ARHGEF37: variants seen among roughly 807,000 people sequenced by gnomAD.
ARHGEF37 encodes Rho guanine nucleotide exchange factor (GEF) 37.
A neutral mutation model predicts 71.1 loss-of-function variants in ARHGEF37; 55 were observed. The ratio of observed to expected loss-of-function variants is 0.77; its 90% CI spans 0.62 to 0.97. The LOEUF is 0.97. Among genes scored for constraint, ARHGEF37 ranks in the 50% least tolerant of loss-of-function variants. The pLI is 0.00. For missense variants in ARHGEF37, 765 were observed against 836.8 expected (o/e 0.91, Z 1.06); for synonymous variants, 327 against 350.6 (o/e 0.93, Z 0.75).
chr5:149,588,041 C>A (rs777486911), intron 1 of ARHGEF37, among the ~76,000 whole-genome samples: 1 of 151,650 alleles, frequency 6.6e-6, no homozygotes, highest in African/African-American at 2.4e-5. Context: ...GGATTACAGG[C>A]GTGTGCCACC....
upstream of ARHGEF37, chr5:149,581,359 G>C (rs1167938955): frequency 6.6e-6 from 1 of 152,276 alleles, no homozygotes; most frequent in East Asian, 1.9e-4. Flanking sequence ...GCCGGCCGGG[G>C]CTGACTCCGG....
chr5:149,586,225 T>G (rs909016746), intron 1 of ARHGEF37, among the ~76,000 whole-genome samples: 1 of 139,654 alleles, frequency 7.2e-6, no homozygotes, highest in African/African-American at 2.9e-5. Context: ...TGTCTGGGTT[T>G]CAAGCAGAGA....
chr5:149,598,045 C>A, intron 2 of ARHGEF37, 90 bp downstream of exon 2: 3 of 1,440,128 alleles, frequency 2.1e-6, no homozygotes, highest in Non-Finnish European at 2.8e-6. Flanking sequence ...CTGGGGCAAG[C>A]TTGACAGAAA....
At chr5:149,572,843 T>TA (rs1231512769) in intron 1 of ARHGEF37, among the ~76,000 whole-genome samples, 1 of 152,192 alleles carries the variant, frequency 6.6e-6, no homozygotes, top group Non-Finnish European at 1.5e-5. Flanking sequence ...CCTGCTGGCC[T>TA]ACACTGCAGA....
At chr5:149,560,402 C>T (rs1762814295) in intron 1 of ARHGEF37, among the ~76,000 whole-genome samples, 1 of 152,190 alleles carries the variant, frequency 6.6e-6, no homozygotes, top group East Asian at 1.9e-4. Context: ...GCGTGAGCCA[C>T]CACACCTGGC....
intron 2 of ARHGEF37, among the ~76,000 whole-genome samples, chr5:149,600,624 T>C (rs2113316204): frequency 6.6e-6 from 1 of 150,684 alleles, no homozygotes; most frequent in East Asian, 2.0e-4. Flanking sequence ...TCTCTTCTTG[T>C]AGAGTAATGA....
At chr5:149,573,315 A>T (rs1024747729) in intron 1 of ARHGEF37, among the ~76,000 whole-genome samples, 5 of 152,214 alleles carry the variant, frequency 3.3e-5, no homozygotes, top group African/African-American at 1.2e-4. Context: ...TATCCAAACC[A>T]TAGCATTCCA....
Position 149,634,550 on chromosome 5 carries a change from G to A in ARHGEF37, c.*2359G>A, listed in dbSNP as rs1359993353. 7 of 152,560 alleles carry A rather than the reference G, an allele frequency of 4.6e-5. No individual in the cohort carries two copies. Among genetic ancestry groups the A allele is most frequent in the Admixed American group, 4.6e-4 (7 of 15,286 alleles). 9.5% of individuals were successfully genotyped at this position (152,560 alleles called of 1,614,324 possible). ...GGGTTATGGTTTCTCATAGACCAGG[G>A]GATAAGATTAAAAGTCACTGAAGAG... On this transcript the variant is annotated 3_prime_UTR_variant, in exon 13 of 13. Transcript: ENST00000333677.
rs1340425169 is a variant in ARHGEF37, at chr5:149,597,884, A to G, written c.115A>G (p.Ile39Val). 1 of 1,609,874 alleles carries G rather than the reference A, an allele frequency of 6.2e-7. No individual in the cohort carries two copies. The highest frequency in any genetic ancestry group is 8.5e-7 in the Non-Finnish European group (1 of 1,178,212). Residue 39 changes from isoleucine to valine, a missense_variant, in exon 2 of 13, where the codon ATC (isoleucine) becomes GTC (valine). Coordinates refer to ENST00000333677, the MANE Select transcript of ARHGEF37 (RefSeq NM_001001669.3). ...TCAGAGGCTGGCTGTCCGGGAGCTC[A>G]TCGACACTGAGGTCTCCTACTTGCA... ...LHQRLAVREL[I>V]DTEVSYLHML...
intron 4 of ARHGEF37, among the ~76,000 whole-genome samples, chr5:149,609,900 T>A (rs1764029950): frequency 6.6e-6 from 1 of 152,220 alleles, no homozygotes; most frequent in South Asian, 2.1e-4. Context: ...AAGGTTTATG[T>A]CTTCCTTATG....
At position 149,595,999 on chromosome 5, in the gene ARHGEF37, G is replaced by GT. The variant is rs548287944; in HGVS notation, c.-11-1760_-11-1759insT. Among the ~76,000 whole-genome samples, 48 of 151,456 alleles carry GT rather than the reference G, an allele frequency of 3.2e-4. 1 individual carries two copies. Among genetic ancestry groups the GT allele is most frequent in the Admixed American group, 3.1e-3 (47 of 15,190 alleles). ...TTCACAGAAGTCCTTGTGGCTGGGG[G>GT]GGTCCCAGTTCTGTGAAGGAGCTTG... On this transcript the variant is annotated intron_variant, in intron 1 of 12. Transcript: ENST00000333677.
At chr5:149,613,084 A>G (rs530143217) in intron 4 of ARHGEF37, among the ~76,000 whole-genome samples, 26 of 152,374 alleles carry the variant, frequency 1.7e-4, no homozygotes, top group Middle Eastern at 3.4e-3. Context: ...AAGCACTGCA[A>G]TTCCAGAATG....
At chr5:149,560,925 T>G (rs1355051777) in intron 1 of ARHGEF37, among the ~76,000 whole-genome samples, 25 of 152,124 alleles carry the variant, frequency 1.6e-4, no homozygotes, top group Admixed American at 1.6e-3. Flanking sequence ...TACTTAAATG[T>G]TAGGAAAATC....
chr5:149,555,335 ACT>A (rs745578015), intron 1 of ARHGEF37, among the ~76,000 whole-genome samples: 1 of 151,920 alleles, frequency 6.6e-6, no homozygotes, highest in African/African-American at 2.4e-5. Flanking sequence ...TCAAAGTCTC[ACT>A]CTGTCACCCA....
At chr5:149,562,019 G>A (rs1313674888) in intron 1 of ARHGEF37, among the ~76,000 whole-genome samples, 4 of 152,154 alleles carry the variant, frequency 2.6e-5, no homozygotes, top group African/African-American at 7.2e-5. Flanking sequence ...AGATGCTTGA[G>A]TTGCCATTCC....
chr5:149,553,330 G>GC (rs1439626314), intron 1 of ARHGEF37, among the ~76,000 whole-genome samples: 3 of 152,022 alleles, frequency 2.0e-5, no homozygotes, highest in African/African-American at 7.2e-5. Context: ...AACCTGGGAG[G>GC]CAGAGGTTAC....
chr5:149,621,448 AC>A (rs1218175328), intron 8 of ARHGEF37, among the ~76,000 whole-genome samples: 6 of 152,156 alleles, frequency 3.9e-5, no homozygotes, highest in African/African-American at 1.2e-4. Flanking sequence ...AAAAAAAAAA[AC>A]AAAAAACTTT....
intron 1 of ARHGEF37, among the ~76,000 whole-genome samples, chr5:149,586,720 G>A (rs1320531647): frequency 1.3e-5 from 2 of 152,184 alleles, no homozygotes; most frequent in African/African-American, 4.8e-5. Flanking sequence ...AAACAAAACA[G>A]AGCCCAGAGG....
At chr5:149,616,441 G>A (rs1278717957) in intron 4 of ARHGEF37, 126 bp from the exon 5 acceptor site, 15 of 827,618 alleles carry the variant, frequency 1.8e-5, no homozygotes, top group Non-Finnish European at 9.2e-6. Flanking sequence ...CTGGAGGATC[G>A]CAGAGAGGGG....
Sources: allele counts gnomAD v4.1 joint callset (sites outside exome capture counted in the v4.1 genomes callset), GRCh38; gene constraint gnomAD v4.1.1; transcripts MANE v1.5; gene names NCBI Gene and HGNC (gene_info 2026-07-23, HGNC 2026-07-21).